RUVBL1: variants seen among roughly 807,000 people sequenced by gnomAD.
The protein encoded by RUVBL1 is ruvB-like 1.
In RUVBL1, 4 loss-of-function variants were observed where a neutral mutation model predicts 52.4. The observed-to-expected ratio is 0.08, with a 90% CI of 0.04 to 0.17. The LOEUF (loss-of-function observed/expected upper bound fraction) is 0.17, where lower values mean the gene tolerates loss of function less well. Ranked by LOEUF, RUVBL1 falls within the 10% of genes least tolerant of loss-of-function variation. The pLI is 1.00. For missense variants in RUVBL1, 298 were observed against 572.8 expected, an observed-to-expected ratio of 0.52 and a Z score of 4.90; for synonymous variants, 217 against 214.4, an observed-to-expected ratio of 1.01 and a Z score of -0.10.
At chr3:128,129,831 G>T (rs1943847772) in intron 1 of RUVBL1, among the ~76,000 whole-genome samples, 1 of 152,162 alleles carries the variant, frequency 6.6e-6, no homozygotes, top group Admixed American at 6.6e-5. Flanking sequence ...AAGACAAAAA[G>T]TACAATGGTG....
Position 128,097,316 on chromosome 3 carries a change from C to T in RUVBL1, c.1000G>A (p.Gly334Ser). ...CCATCCTACCTGATGACACAGTTGC[C>T]TCGGTTGGATGCAAAGATGACGATG... Reference protein sequence around the residue: ...APIVIFASNRGNCVIRGTEDI... With the variant: ...APIVIFASNRSNCVIRGTEDI... Residue 334 changes from glycine (G) to serine (S), a missense_variant, in exon 8 of 11, where the codon GGC becomes AGC. Transcript: ENST00000322623. 1 of 1,614,140 alleles carries T rather than the reference C, an allele frequency of 6.2e-7. No homozygotes were observed. Among genetic ancestry groups the T allele is most frequent in the Non-Finnish European group, 8.5e-7 (1 of 1,180,020 alleles).
At chr3:128,086,265 G>A (rs1942642572) in intron 9 of RUVBL1, among the ~76,000 whole-genome samples, 1 of 152,184 alleles carries the variant, frequency 6.6e-6, no homozygotes, top group Admixed American at 6.5e-5. Flanking sequence ...CCAAAGTACT[G>A]GGATTACAGG....
At chr3:128,145,261 G>C (rs1311529933) in intron 1 of RUVBL1, among the ~76,000 whole-genome samples, 1 of 152,148 alleles carries the variant, frequency 6.6e-6, no homozygotes, top group Non-Finnish European at 1.5e-5. Context: ...TGCCCCATTT[G>C]ACAAATGAAG....
upstream of RUVBL1, among the ~76,000 whole-genome samples, chr3:128,127,807 G>A (rs1943813448): frequency 6.6e-6 from 1 of 152,118 alleles, no homozygotes; most frequent in African/African-American, 2.4e-5. Flanking sequence ...GACCAGCCTG[G>A]CCAACATGGT....
chr3:128,068,119 T>C, intron 9 of RUVBL1: 1 of 1,367,628 alleles, frequency 7.3e-7, no homozygotes. Context: ...TTTCTTTCCA[T>C]GCAGGGCATC....
In RUVBL1 at chr3:128,081,518, G is replaced by A; in HGVS notation, c.1212-109C>T. 5 of 1,164,382 alleles carry A rather than the reference G, an allele frequency of 4.3e-6. No individual in the cohort carries two copies. Among genetic ancestry groups the A allele is most frequent in the Non-Finnish European group, 6.0e-6 (5 of 830,146 alleles). 72.1% of individuals were successfully genotyped at this position (1,164,382 alleles called of 1,614,324 possible). A position where few individuals can be genotyped will look rare whatever the true frequency, so the allele number is the denominator to read the frequency against. ...GCACCAGGAGCAGAGCCCAGTGCTG[G>A]GCTTGTGCCAGCTGCTACGAACACA... On this transcript the variant is annotated intron_variant, in intron 10 of 10. Coordinates refer to ENST00000322623, the MANE Select transcript of RUVBL1 (RefSeq NM_003707.3). This position sits in a 1 kb window ranked among gnomAD's most constrained non-coding sequence, Gnocchi z 4.8.
Position 128,067,618 on chromosome 3 carries a change from T to C in RUVBL1, c.940-2398A>G, listed in dbSNP as rs749575368. On this transcript the variant is annotated intron_variant, in intron 9 of 9. Coordinates refer to the RUVBL1 transcript ENST00000464873. This position sits in a 1 kb window ranked among gnomAD's most constrained non-coding sequence, Gnocchi z 4.1. ...CAGGTTCCTCTGCCAAAGATGTAAG[T>C]AGAAGCAAAACTTTCTGGAAGGGTG... is the stretch of plus-strand genomic sequence containing the variant. The C allele has an allele frequency of 1.1e-5, 18 of 1,604,356 alleles. No homozygotes were observed. The highest frequency in any genetic ancestry group is 1.4e-5 in the Non-Finnish European group (17 of 1,174,478).
intron 1 of RUVBL1, among the ~76,000 whole-genome samples, chr3:128,144,012 A>G (rs1159070960): frequency 6.6e-6 from 1 of 151,962 alleles, no homozygotes; most frequent in Non-Finnish European, 1.5e-5. Flanking sequence ...CATGATTTGA[A>G]CCCGCGTGGA....
intron 8 of RUVBL1, among the ~76,000 whole-genome samples, chr3:128,095,006 A>T (rs957348426): frequency 6.6e-6 from 1 of 152,240 alleles, no homozygotes; most frequent in African/African-American, 2.4e-5. Context: ...CTAAAAATCC[A>T]TGTTCTGAGT....
chr3:128,073,093 G>A (rs9813812), intron 9 of RUVBL1, among the ~76,000 whole-genome samples: 1 of 152,000 alleles, frequency 6.6e-6, no homozygotes, highest in Non-Finnish European at 1.5e-5. Flanking sequence ...CTTAGCTCCC[G>A]AGCCAGGACA....
At chr3:128,150,755 C>CTATATATTATATATTCTA (rs1944177847) in intron 1 of RUVBL1, among the ~76,000 whole-genome samples, 8 of 100,578 alleles carry the variant, frequency 8.0e-5, no homozygotes, top group Non-Finnish European at 1.4e-4. Context: ...TATATATTCT[C>CTATATATTATATATTCTA]TATATATTCT....
chr3:128,078,703 C>A (rs1200068370), downstream of RUVBL1: 1 of 152,342 alleles, frequency 6.6e-6, no homozygotes, highest in East Asian at 1.9e-4. Flanking sequence ...GTGTGTCAGC[C>A]TGATAAGATG....
chr3:128,095,285 A>G (rs1942942766), intron 8 of RUVBL1, among the ~76,000 whole-genome samples: 1 of 152,210 alleles, frequency 6.6e-6, no homozygotes, highest in Non-Finnish European at 1.5e-5. Flanking sequence ...CCTACTGTGG[A>G]GGGAGGGAAG....
intron 9 of RUVBL1, chr3:128,084,622 G>A (rs1942581925): frequency 6.6e-6 from 1 of 152,204 alleles, no homozygotes; most frequent in Admixed American, 6.5e-5. Context: ...GAGAGCAGCA[G>A]GTCAGAGCAA....
chr3:128,080,069 G>C (rs1376865229), downstream of RUVBL1, among the ~76,000 whole-genome samples: 1 of 152,206 alleles, frequency 6.6e-6, no homozygotes, highest in African/African-American at 2.4e-5. Flanking sequence ...GCACATTCCA[G>C]TAAGGTGCAC....
chr3:128,107,708 A>G (rs1207211130), intron 3 of RUVBL1, among the ~76,000 whole-genome samples: 2 of 152,254 alleles, frequency 1.3e-5, no homozygotes, highest in African/African-American at 4.8e-5. Context: ...GTGCTTTACC[A>G]AATTCTTAGT....
chr3:128,072,687 G>A (rs955244377), intron 9 of RUVBL1, among the ~76,000 whole-genome samples: 4 of 152,204 alleles, frequency 2.6e-5, no homozygotes, highest in Non-Finnish European at 5.9e-5. Context: ...AATTGCTGAG[G>A]CAGGCAGGGT....
chr3:128,120,190 C>T (rs956898697), intron 1 of RUVBL1, among the ~76,000 whole-genome samples: 2 of 152,074 alleles, frequency 1.3e-5, no homozygotes, highest in African/African-American at 2.4e-5. Context: ...ACATTTTTTC[C>T]AGAGAAAGGA....
chr3:128,106,160 G>A (rs2107697662), intron 3 of RUVBL1, among the ~76,000 whole-genome samples: 1 of 152,266 alleles, frequency 6.6e-6, no homozygotes. Context: ...GATTACAGGT[G>A]TGAGCTACCA....
Sources: allele counts gnomAD v4.1 joint callset (sites outside exome capture counted in the v4.1 genomes callset), GRCh38; gene constraint gnomAD v4.1.1; non-coding constraint Gnocchi (gnomAD v3.1); transcripts MANE v1.5; gene names NCBI Gene and HGNC (gene_info 2026-07-23, HGNC 2026-07-21).